The following NHSL1 variants were observed in gnomAD, a reference collection of about 807,000 sequenced individuals.
The protein encoded by NHSL1 is NHS-like protein 1.
In NHSL1, 48 loss-of-function variants were observed where a neutral mutation model predicts 95.0. The ratio of observed to expected loss-of-function variants is 0.51; its 90% CI spans 0.40 to 0.64. The LOEUF (loss-of-function observed/expected upper bound fraction) is 0.64. Among genes scored for constraint, NHSL1 ranks in the 30% least tolerant of loss-of-function variants. NHSL1 has a pLI of 0.00. For missense variants in NHSL1, 1,971 were observed against 2,077.7 expected (o/e 0.95, Z 1.00); for synonymous variants, 783 against 833.9 (o/e 0.94, Z 1.05).
At position 138,554,603 on chromosome 6, in the gene NHSL1, C is replaced by T. The variant is rs530789123; in HGVS notation, c.202+17107G>A. Among the ~76,000 whole-genome samples the T allele has an allele frequency of 2.0e-3, 309 of 152,222 alleles. 1 individual carries two copies. Among genetic ancestry groups the T allele is most frequent in the Admixed American group, 4.6e-3 (71 of 15,282 alleles). ...ATACTAAGATATTAAGAGCAAGGTA[C>T]GCCAAGGTAAATGTCCAGGCTTCTG... is the stretch of plus-strand genomic sequence containing the variant. On this transcript the variant is annotated intron_variant, in intron 1 of 6. Transcript: ENST00000427025.
intron 1 of NHSL1, among the ~76,000 whole-genome samples, chr6:138,598,930 TG>T (rs1399439287): frequency 6.6e-6 from 1 of 152,240 alleles, no homozygotes; most frequent in African/African-American, 2.4e-5. Context: ...TTCACCCATA[TG>T]TTTCTAAACA....
At chr6:138,609,699 G>A (rs1013257860) in intron 1 of NHSL1, among the ~76,000 whole-genome samples, 1 of 139,668 alleles carries the variant, frequency 7.2e-6, no homozygotes, top group Non-Finnish European at 1.5e-5. Context: ...GCAGTGAGCC[G>A]AGATTGCACC....
chr6:138,650,737 A>T, intron 1 of NHSL1: 1 of 546,236 alleles, frequency 1.8e-6, no homozygotes, highest in Non-Finnish European at 3.7e-6. Context: ...ATTATCCCAT[A>T]GGAGGTCTCC....
intron 1 of NHSL1, among the ~76,000 whole-genome samples, chr6:138,607,501 T>C (rs942175659): frequency 8.5e-5 from 13 of 152,224 alleles, no homozygotes; most frequent in African/African-American, 2.9e-4. Context: ...ACCTTAAAAC[T>C]GTGCGTGTTT....
chr6:138,512,557 A>C (rs546077492), intron 1 of NHSL1: 98 of 194,606 alleles, frequency 5.0e-4, no homozygotes, highest in Admixed American at 4.9e-3. Flanking sequence ...AGAAAAAAAA[A>C]AAAAAACCCA....
chr6:138,588,495 C>T (rs1784174929), intron 1 of NHSL1, among the ~76,000 whole-genome samples: 2 of 103,382 alleles, frequency 1.9e-5, no homozygotes, highest in African/African-American at 2.7e-5. Flanking sequence ...AAAATAACGA[C>T]ACTGCAACTA....
intron 1 of NHSL1, among the ~76,000 whole-genome samples, chr6:138,629,517 G>T (rs946639021): frequency 6.6e-6 from 1 of 152,026 alleles, no homozygotes; most frequent in African/African-American, 2.4e-5. Context: ...CATGTAGCTG[G>T]GATTACAGGA....
At chr6:138,461,770 G>C (rs1429962644) in intron 3 of NHSL1, among the ~76,000 whole-genome samples, 1 of 152,188 alleles carries the variant, frequency 6.6e-6, no homozygotes, top group Non-Finnish European at 1.5e-5. Context: ...GTAGAAATTT[G>C]AGGGGGATGA....
At chr6:138,630,626 C>T (rs565517561) in intron 1 of NHSL1, among the ~76,000 whole-genome samples, 8 of 152,266 alleles carry the variant, frequency 5.3e-5, no homozygotes, top group Admixed American at 3.9e-4. Flanking sequence ...CTCAGGTGAT[C>T]GGCCCGTGTT....
At chr6:138,429,517 G>A (rs1010046837) in intron 7 of NHSL1, among the ~76,000 whole-genome samples, 194 bp downstream of exon 7, 1 of 152,148 alleles carries the variant, frequency 6.6e-6, no homozygotes, top group African/African-American at 2.4e-5. Context: ...ATAAAAATCA[G>A]TGAGACAAAG....
chr6:138,607,348 A>G (rs1047649992), intron 1 of NHSL1, among the ~76,000 whole-genome samples: 14 of 152,176 alleles, frequency 9.2e-5, no homozygotes, highest in African/African-American at 3.4e-4. Context: ...ATCGGACAAA[A>G]CCAACCAAAA....
chr6:138,572,179 A>C, exon 1 of NHSL1: 1 of 388,068 alleles, frequency 2.6e-6, no homozygotes, highest in Non-Finnish European at 4.6e-6. Flanking sequence ...ACGGCCAAAA[A>C]ATAATAAACA....
At chr6:138,459,832 G>A (rs1055927965) in intron 3 of NHSL1, among the ~76,000 whole-genome samples, 5 of 152,138 alleles carry the variant, frequency 3.3e-5, no homozygotes, top group African/African-American at 1.2e-4. Context: ...TTTCTCTTCA[G>A]ATCTATTAAT....
At chr6:138,509,958 A>G (rs147983872) in intron 1 of NHSL1, among the ~76,000 whole-genome samples, 2 of 152,368 alleles carry the variant, frequency 1.3e-5, no homozygotes, top group African/African-American at 4.8e-5. Context: ...TACACAAAGG[A>G]GTCCAAAAGT....
Position 138,433,148 on chromosome 6 carries a change from C to A in NHSL1, c.1197G>T (p.Ala399=), listed in dbSNP as rs200271083. The A allele has an allele frequency of 5.8e-6, 9 of 1,551,130 alleles. No homozygotes were observed. The South Asian group carries it at 1.1e-4, about 18-fold the overall frequency. The part of the protein sequence containing the change: ...HFESENIMSP[A]CVVSPHATYS... ...AGGTTGCATGAGGAGAAACCACACACGCTGGGCTCATTATATTTTCACTCT... is the reference window on the plus strand; with the variant it reads ...AGGTTGCATGAGGAGAAACCACACAAGCTGGGCTCATTATATTTTCACTCT... Residue 399 remains alanine, a synonymous_variant, in exon 6 of 8, where the codon GCG becomes GCT. Transcript: ENST00000343505.
chr6:138,659,555 A>G (rs1462010089), intron 1 of NHSL1, among the ~76,000 whole-genome samples: 1 of 152,180 alleles, frequency 6.6e-6, no homozygotes, highest in East Asian at 1.9e-4. Context: ...TCTAACACCT[A>G]ATAGTTGACT....
At position 138,432,885 on chromosome 6, in the gene NHSL1, G is replaced by T; in HGVS notation, c.1460C>A (p.Ser487Tyr). Residue 487 changes from serine to tyrosine, a missense_variant, in exon 6 of 8, where the codon TCC becomes TAC. By Grantham distance (144) the Ser-to-Tyr change is moderately radical. Transcript: ENST00000343505. This position sits in a 1 kb window ranked among gnomAD's most constrained non-coding sequence, Gnocchi z 4.4. ...TILSQDLDPH[S>Y]PGEPALLSLC... ...GGACAACAGTGCGGGTTCACCAGGG[G>T]AATGAGGGTCTAAGTCCTGTGAAAG... The T allele has an allele frequency of 6.4e-7, 1 of 1,551,650 alleles. No individual in the cohort carries two copies. The highest frequency in any genetic ancestry group is 8.7e-7 in the Non-Finnish European group (1 of 1,146,926).
chr6:138,498,159 T>C (rs1221760029), intron 1 of NHSL1, among the ~76,000 whole-genome samples: 1 of 152,214 alleles, frequency 6.6e-6, no homozygotes, highest in Non-Finnish European at 1.5e-5. Flanking sequence ...TTCATCACAG[T>C]GTTTTGTGCT....
chr6:138,552,202 C>T (rs1380482209), intron 1 of NHSL1, among the ~76,000 whole-genome samples: 1 of 152,122 alleles, frequency 6.6e-6, no homozygotes, highest in Non-Finnish European at 1.5e-5. Context: ...AGGCGGATCA[C>T]GAGGTCAGGA....
Sources: allele counts gnomAD v4.1 joint callset (sites outside exome capture counted in the v4.1 genomes callset), GRCh38; gene constraint gnomAD v4.1.1; non-coding constraint Gnocchi (gnomAD v3.1); transcripts MANE v1.5; gene names NCBI Gene and HGNC (gene_info 2026-07-23, HGNC 2026-07-21).